The following EYS variants were observed in gnomAD, a reference collection of about 807,000 sequenced individuals.
EYS encodes EGF-like photoreceptor maintenance factor.
Under a neutral mutation model 282.1 loss-of-function variants are expected in EYS, and 250 were observed. That is an observed-to-expected ratio of 0.89 (90% CI 0.80 to 0.98). The LOEUF is 0.98. Among genes scored for constraint, EYS ranks in the 50% least tolerant of loss-of-function variants. The pLI is 0.00. For synonymous variants in EYS, 1,355 were observed against 1,282.9 expected (o/e 1.06, Z -1.20); for missense variants, 4,016 against 3,709.0 (o/e 1.08, Z -2.15).
chr6:64,456,549 T>C (rs918513039), intron 26 of EYS, among the ~76,000 whole-genome samples: 17 of 152,230 alleles, frequency 1.1e-4, no homozygotes, highest in Admixed American at 9.8e-4. Context: ...AGGGTTGTTA[T>C]GTTATACTAT....
chr6:65,567,942 G>T (rs1280197295), intron 2 of EYS, among the ~76,000 whole-genome samples: 2 of 151,928 alleles, frequency 1.3e-5, no homozygotes, highest in African/African-American at 4.8e-5. Flanking sequence ...TGAAGATGAA[G>T]CTCAGGTTCT....
At chr6:65,206,729 T>A (rs1176547452) in intron 12 of EYS, among the ~76,000 whole-genome samples, 1 of 151,786 alleles carries the variant, frequency 6.6e-6, no homozygotes, top group Non-Finnish European at 1.5e-5. Flanking sequence ...CATTTGCAAA[T>A]CAATGAATGT....
intron 33 of EYS, among the ~76,000 whole-genome samples, chr6:64,025,382 C>T (rs1054223551): frequency 2.8e-4 from 43 of 152,168 alleles, no homozygotes; most frequent in African/African-American, 9.7e-4. Flanking sequence ...CTCTCAAATG[C>T]ATGTCGCCCA....
chr6:65,271,128 T>TTATATATATATATATTTATATA (rs1767888751), intron 12 of EYS, among the ~76,000 whole-genome samples: 1 of 55,788 alleles, frequency 1.8e-5, no homozygotes, highest in Non-Finnish European at 3.7e-5. Context: ...AATCAATAGA[T>TTATATATATATATATTTATATA]TATATATATA....
At chr6:65,675,952 A>C (rs1313374092) in intron 1 of EYS, among the ~76,000 whole-genome samples, 3 of 151,862 alleles carry the variant, frequency 2.0e-5, no homozygotes, top group Non-Finnish European at 4.4e-5. Flanking sequence ...AGAAGTGGAA[A>C]ATTTACAATT....
chr6:64,332,862 T>C (rs1416827321), intron 29 of EYS, among the ~76,000 whole-genome samples: 1 of 152,218 alleles, frequency 6.6e-6, no homozygotes, highest in Non-Finnish European at 1.5e-5. Flanking sequence ...CTTGTACTGA[T>C]TATTTTACTG....
chr6:64,279,080 T>G (rs1387698056), intron 30 of EYS, among the ~76,000 whole-genome samples: 1 of 152,220 alleles, frequency 6.6e-6, no homozygotes, highest in Non-Finnish European at 1.5e-5. Context: ...TTGTTTGCCT[T>G]TTAATTTTCC....
chr6:64,023,059 G>A (rs969282267), intron 33 of EYS, among the ~76,000 whole-genome samples: 118 of 152,190 alleles, frequency 7.8e-4, no homozygotes, highest in African/African-American at 2.7e-3. Context: ...CTGTCTCTAT[G>A]AATTTGCCCA....
At chr6:65,492,300 A>G (rs967478921) in intron 4 of EYS, among the ~76,000 whole-genome samples, 1 of 141,986 alleles carries the variant, frequency 7.0e-6, no homozygotes, top group Non-Finnish European at 1.5e-5. Flanking sequence ...GCTGTAAGAA[A>G]GAGAAAGAGA....
At chr6:65,591,523 C>T (rs1765233609) in intron 2 of EYS, among the ~76,000 whole-genome samples, 1 of 151,924 alleles carries the variant, frequency 6.6e-6, no homozygotes, top group African/African-American at 2.4e-5. Context: ...TTCTCTTTCT[C>T]TTTCTAGTTC....
intron 29 of EYS, among the ~76,000 whole-genome samples, chr6:64,311,314 A>AAT (rs1260974438): frequency 6.6e-6 from 1 of 152,106 alleles, no homozygotes; most frequent in Non-Finnish European, 1.5e-5. Flanking sequence ...TGTAATGTAA[A>AAT]ATATATATAA....
chr6:63,849,669 A>G (rs1053413734), intron 36 of EYS, among the ~76,000 whole-genome samples: 1 of 152,210 alleles, frequency 6.6e-6, no homozygotes, highest in Non-Finnish European at 1.5e-5. Context: ...CCCCATCCAA[A>G]GGTCAATAGC....
At chr6:65,074,090 T>C (rs563980799) in intron 12 of EYS, among the ~76,000 whole-genome samples, 3 of 152,192 alleles carry the variant, frequency 2.0e-5, no homozygotes, top group Non-Finnish European at 2.9e-5. Context: ...ATTAAGATAG[T>C]ATTTATTTTG....
chr6:65,053,311 T>G lies in EYS; in HGVS notation c.2137+4303A>C, dbSNP rs201321569. Among the ~76,000 whole-genome samples, 257 of 151,938 alleles carry G rather than the reference T, an allele frequency of 1.7e-3. 4 individuals are homozygous for G. The East Asian group carries it at 0.038, about 23-fold the overall frequency. On this transcript the variant is annotated intron_variant, in intron 13 of 42. Coordinates refer to ENST00000503581, the MANE Select transcript of EYS (RefSeq NM_001142800.2). ...CAAGGTGCCATATCTTACAATTTCA[T>G]GTATTTGCTAAACAGTCACTGTACA...
intron 26 of EYS, among the ~76,000 whole-genome samples, chr6:64,510,184 A>G (rs1777339263): frequency 6.6e-6 from 1 of 152,148 alleles, no homozygotes; most frequent in African/African-American, 2.4e-5. Context: ...ATCTGAATGA[A>G]ATTTCATGGA....
chr6:65,132,532 C>T (rs1034989454), intron 12 of EYS, among the ~76,000 whole-genome samples: 8 of 151,954 alleles, frequency 5.3e-5, no homozygotes, highest in Admixed American at 4.6e-4. Context: ...TAAAAACTCT[C>T]AACAAACTAG....
chr6:65,067,141 T>C (rs535738557), intron 12 of EYS, among the ~76,000 whole-genome samples: 2 of 152,184 alleles, frequency 1.3e-5, no homozygotes, highest in Non-Finnish European at 2.9e-5. Flanking sequence ...AAAAGTTAAT[T>C]ATATCCCCAA....
intron 23 of EYS, among the ~76,000 whole-genome samples, chr6:64,618,635 G>A (rs1767348247): frequency 6.6e-6 from 1 of 152,086 alleles, no homozygotes; most frequent in Non-Finnish European, 1.5e-5. Context: ...ATGATTTATT[G>A]AAACACTTCA....
At chr6:64,871,545 T>C (rs1162185598) in intron 19 of EYS, among the ~76,000 whole-genome samples, 1 of 151,962 alleles carries the variant, frequency 6.6e-6, no homozygotes, top group Admixed American at 6.6e-5. Flanking sequence ...ATAAAAGTCA[T>C]CTCTTGCTCT....
Sources: allele counts gnomAD v4.1 joint callset (sites outside exome capture counted in the v4.1 genomes callset), GRCh38; gene constraint gnomAD v4.1.1; transcripts MANE v1.5; gene names NCBI Gene and HGNC (gene_info 2026-07-23, HGNC 2026-07-21).